The following FAM13A variants were observed in gnomAD, a reference collection of about 807,000 sequenced individuals.
The protein encoded by FAM13A is family with sequence similarity 13 member A.
Under a neutral mutation model 129.6 loss-of-function variants are expected in FAM13A, and 76 were observed. The ratio of observed to expected loss-of-function variants is 0.59; its 90% CI spans 0.49 to 0.71. The LOEUF is 0.71. Among genes scored for constraint, FAM13A ranks in the 30% least tolerant of loss-of-function variants. FAM13A has a pLI of 0.00. For synonymous variants in FAM13A, 443 were observed against 449.9 expected (o/e 0.98, Z 0.20); for missense variants, 1,108 against 1,249.3 (o/e 0.89, Z 1.70).
intron 4 of FAM13A, among the ~76,000 whole-genome samples, chr4:88,966,521 T>C (rs1160519733): frequency 1.3e-5 from 2 of 152,178 alleles, no homozygotes; most frequent in Non-Finnish European, 2.9e-5. Flanking sequence ...TGCCTGGAGG[T>C]TGGACTATCC....
At position 88,778,282 on chromosome 4, in the gene FAM13A, G is replaced by A. The variant is rs146916917; in HGVS notation, c.1458+2883C>T. Among the ~76,000 whole-genome samples the A allele has an allele frequency of 2.7e-3, 412 of 152,208 alleles. 1 individual carries two copies. The highest frequency in any genetic ancestry group is 5.4e-3 in the Admixed American group (83 of 15,286). On this transcript the variant is annotated intron_variant, in intron 11 of 23. Coordinates refer to ENST00000264344, the MANE Select transcript of FAM13A (RefSeq NM_014883.4). The stretch of plus-strand genomic sequence containing the variant: ...GAACTTAGGATATGACTCCCAAAAC[G>A]TCTATCTTCCTCATCTCAGTAAATT...
chr4:88,897,074 G>C (rs2150190953), intron 6 of FAM13A, among the ~76,000 whole-genome samples: 1 of 152,272 alleles, frequency 6.6e-6, no homozygotes. Context: ...TATATATTGA[G>C]CAAAGTAAAT....
At chr4:88,755,437 C>G (rs555605247) in intron 14 of FAM13A, among the ~76,000 whole-genome samples, 10 of 152,262 alleles carry the variant, frequency 6.6e-5, no homozygotes, top group Admixed American at 6.5e-4. Context: ...CCTACTGTTA[C>G]CATCCTATTT....
chr4:88,909,102 A>G (rs1748620163), intron 5 of FAM13A, among the ~76,000 whole-genome samples: 1 of 152,230 alleles, frequency 6.6e-6, no homozygotes, highest in Non-Finnish European at 1.5e-5. Flanking sequence ...TATGTATCTG[A>G]GAAAGTTGAA....
At chr4:88,887,211 CA>C (rs1744569256) in intron 6 of FAM13A, among the ~76,000 whole-genome samples, 1 of 152,028 alleles carries the variant, frequency 6.6e-6, no homozygotes, top group Non-Finnish European at 1.5e-5. Context: ...ATAGGTGCAC[CA>C]AAATCTCAGA....
At chr4:89,031,110 A>G (rs192620191) in intron 1 of FAM13A, among the ~76,000 whole-genome samples, 2 of 152,316 alleles carry the variant, frequency 1.3e-5, no homozygotes, top group East Asian at 3.9e-4. Context: ...CAAGGAAATT[A>G]TGATTTTGTT....
At chr4:88,816,120 A>G (rs954354560) in intron 7 of FAM13A, among the ~76,000 whole-genome samples, 1 of 152,158 alleles carries the variant, frequency 6.6e-6, no homozygotes, top group African/African-American at 2.4e-5. Flanking sequence ...AAAAAGAAGC[A>G]GAAGAGGAAA....
intron 4 of FAM13A, among the ~76,000 whole-genome samples, chr4:88,940,795 T>C (rs949294760): frequency 2.0e-5 from 3 of 152,214 alleles, no homozygotes; most frequent in African/African-American, 4.8e-5. Flanking sequence ...TCAGCCATTG[T>C]AGCATGAGAT....
chr4:88,899,388 C>G (rs1391413622), intron 6 of FAM13A, among the ~76,000 whole-genome samples: 3 of 151,866 alleles, frequency 2.0e-5, no homozygotes, highest in Admixed American at 1.3e-4. Flanking sequence ...GCAGTGTATA[C>G]TGCTTGGGTG....
chr4:88,878,284 T>G (rs1413939482), intron 6 of FAM13A, among the ~76,000 whole-genome samples: 1 of 61,572 alleles, frequency 1.6e-5, no homozygotes, highest in Non-Finnish European at 2.6e-5. Context: ...TGAGACTCCA[T>G]CTCAAAAAAA....
intron 4 of FAM13A, among the ~76,000 whole-genome samples, chr4:88,963,146 A>G (rs1013876875): frequency 6.6e-6 from 1 of 152,166 alleles, no homozygotes; most frequent in Admixed American, 6.5e-5. Flanking sequence ...TTTAAAATTG[A>G]TGAGGTTATA....
chr4:88,832,003 T>A (rs1185185251), intron 7 of FAM13A, among the ~76,000 whole-genome samples: 1 of 152,146 alleles, frequency 6.6e-6, no homozygotes, highest in East Asian at 1.9e-4. Context: ...AAGGCTGCAG[T>A]GACCAAAACA....
intron 3 of FAM13A, among the ~76,000 whole-genome samples, chr4:89,017,162 GA>G (rs1766611374): frequency 6.6e-6 from 1 of 152,108 alleles, no homozygotes; most frequent in Non-Finnish European, 1.5e-5. Context: ...GTATTTTTCA[GA>G]AAGTATTTAT....
At chr4:88,884,490 G>C (rs1744095711) in intron 6 of FAM13A, among the ~76,000 whole-genome samples, 1 of 152,088 alleles carries the variant, frequency 6.6e-6, no homozygotes, top group Non-Finnish European at 1.5e-5. Context: ...TGGCATAGAA[G>C]AGGCATACCT....
chr4:88,986,424 G>A (rs1250982821), intron 4 of FAM13A, among the ~76,000 whole-genome samples: 10 of 152,164 alleles, frequency 6.6e-5, no homozygotes, highest in Non-Finnish European at 1.3e-4. Context: ...ATGAGCCACC[G>A]CGCCCGACCA....
At chr4:88,965,814 T>C (rs1003013040) in intron 4 of FAM13A, among the ~76,000 whole-genome samples, 7 of 152,204 alleles carry the variant, frequency 4.6e-5, no homozygotes, top group African/African-American at 9.7e-5. Context: ...TCATACAGTA[T>C]TTGTCTTTTT....
intron 6 of FAM13A, among the ~76,000 whole-genome samples, chr4:88,865,841 A>T (rs1579020762): frequency 6.9e-6 from 1 of 145,434 alleles, no homozygotes; most frequent in African/African-American, 2.6e-5. Flanking sequence ...AAATTCTAAC[A>T]TCATTCATTT....
At chr4:88,792,097 C>A (rs1561005683) in intron 8 of FAM13A, among the ~76,000 whole-genome samples, 1 of 151,994 alleles carries the variant, frequency 6.6e-6, no homozygotes, top group African/African-American at 2.4e-5. Flanking sequence ...TAAATAAATA[C>A]AAACACCCTA....
At chr4:89,026,098 T>C (rs1767926064) in intron 2 of FAM13A, among the ~76,000 whole-genome samples, 1 of 152,226 alleles carries the variant, frequency 6.6e-6, no homozygotes, top group African/African-American at 2.4e-5. Flanking sequence ...CTATTCTAGG[T>C]ACCCGTAGTT....
Sources: gnomAD v4.1 joint callset for allele counts (sites outside exome capture counted in the v4.1 genomes callset) on GRCh38, gnomAD v4.1.1 for gene constraint, MANE v1.5 for transcripts, NCBI Gene and HGNC (gene_info 2026-07-23, HGNC 2026-07-21) for gene names.